PRR16: variants seen among roughly 807,000 people sequenced by gnomAD.
The protein encoded by PRR16 is protein Largen.
A neutral mutation model predicts 18.2 loss-of-function variants in PRR16; 6 were observed. The observed-to-expected ratio is 0.33, with a 90% CI of 0.18 to 0.65. The LOEUF (loss-of-function observed/expected upper bound fraction) is 0.65, where lower values mean the gene tolerates loss of function less well. Among genes scored for constraint, PRR16 ranks in the 30% least tolerant of loss-of-function variants. The probability of loss-of-function intolerance (pLI) is 0.74; values close to 1 mark genes in which losing one functional copy is unlikely to be tolerated. For synonymous variants in PRR16, 151 were observed against 147.8 expected (o/e 1.02, Z -0.16); for missense variants, 412 against 376.6 (o/e 1.09, Z -0.78).
At chr5:120,652,400 G>A (rs1003606306) in intron 1 of PRR16, among the ~76,000 whole-genome samples, 1 of 152,048 alleles carries the variant, frequency 6.6e-6, no homozygotes, top group Non-Finnish European at 1.5e-5. Flanking sequence ...GTACAGTAGG[G>A]AAAGATAGAG....
intron 1 of PRR16, among the ~76,000 whole-genome samples, chr5:120,523,404 G>C (rs1751249881): frequency 2.0e-5 from 3 of 152,026 alleles, no homozygotes; most frequent in Admixed American, 2.0e-4. Context: ...TTACTAATGA[G>C]GCAAGTACTG....
chr5:120,688,875 G>A (rs114566460), downstream of PRR16, among the ~76,000 whole-genome samples: 1 of 152,144 alleles, frequency 6.6e-6, no homozygotes, highest in African/African-American at 2.4e-5. Flanking sequence ...AGGATATTGA[G>A]CCAGACACCT....
At chr5:120,500,165 A>G (rs905323285) in intron 1 of PRR16, among the ~76,000 whole-genome samples, 1 of 152,120 alleles carries the variant, frequency 6.6e-6, no homozygotes, top group African/African-American at 2.4e-5. Context: ...GTTTGCTGGG[A>G]TTAGAACAAC....
At chr5:120,777,275 T>C in the PRR16 span, among the ~76,000 whole-genome samples, 1 of 152,166 alleles carries the variant, frequency 6.6e-6, no homozygotes, top group African/African-American at 2.4e-5. Flanking sequence ...CAGCCATATG[T>C]CGGACACTGT....
At chr5:120,622,234 A>G (rs1754714242) in intron 1 of PRR16, among the ~76,000 whole-genome samples, 1 of 152,118 alleles carries the variant, frequency 6.6e-6, no homozygotes, top group Non-Finnish European at 1.5e-5. Flanking sequence ...CTGAGACCTC[A>G]ATATCTAGAA....
At chr5:120,519,868 T>G (rs1205773871) in intron 1 of PRR16, among the ~76,000 whole-genome samples, 1 of 152,018 alleles carries the variant, frequency 6.6e-6, no homozygotes, top group African/African-American at 2.4e-5. Flanking sequence ...TTTTTATGGG[T>G]TTTTTTCTCA....
At chr5:120,732,031 C>T in the PRR16 span, among the ~76,000 whole-genome samples, 6 of 152,062 alleles carry the variant, frequency 3.9e-5, no homozygotes, top group Non-Finnish European at 7.4e-5. Flanking sequence ...CTTTGCTTTC[C>T]TAGTAGGAGA....
intron 1 of PRR16, among the ~76,000 whole-genome samples, chr5:120,465,391 A>C (rs987879570): frequency 6.6e-6 from 1 of 152,142 alleles, no homozygotes; most frequent in Non-Finnish European, 1.5e-5. Context: ...AGGAGAGTGT[A>C]TGTGTGGCCG....
intron 1 of PRR16, among the ~76,000 whole-genome samples, chr5:120,670,782 CA>C (rs1167778820): frequency 1.3e-5 from 2 of 152,076 alleles, no homozygotes; most frequent in Non-Finnish European, 2.9e-5. Flanking sequence ...GAGGATATTC[CA>C]AAGATGGGCT....
At chr5:120,775,729 C>T in the PRR16 span, among the ~76,000 whole-genome samples, 1 of 149,860 alleles carries the variant, frequency 6.7e-6, no homozygotes, top group South Asian at 2.1e-4. Context: ...CTCTCAGGCT[C>T]AAGCGATTCT....
the PRR16 span, among the ~76,000 whole-genome samples, chr5:120,700,462 G>A: frequency 2.0e-4 from 30 of 152,120 alleles, no homozygotes; most frequent in South Asian, 2.1e-4. Context: ...AGAGGAGGAT[G>A]CAAAGGAGGC....
At position 120,686,630 on chromosome 5, in the gene PRR16, G is replaced by T; in HGVS notation, c.836G>T (p.Arg279Ile). 6.2e-7 allele frequency: 1 copy of T among 1,606,920 alleles called. No individual in the cohort carries two copies. Among genetic ancestry groups the T allele is most frequent in the South Asian group, 1.1e-5 (1 of 90,032 alleles). The part of the protein sequence containing the change: ...ISHSNSFPPI[R>I]PATVPPPTAP... The stretch of plus-strand genomic sequence containing the variant: ...CACAGTAACAGCTTCCCCCCTATCA[G>T]ACCTGCAACTGTGCCTCCTCCCACT... The change falls in exon 2 of 2, where the codon AGA becomes ATA. Residue 279 changes from arginine (R) to isoleucine (I), a missense_variant. Arg to Ile is a moderately conservative substitution (Grantham distance 97). Coordinates refer to ENST00000407149, the MANE Select transcript of PRR16 (RefSeq NM_001300783.2).
At chr5:120,662,317 A>G (rs1475405402) in intron 1 of PRR16, among the ~76,000 whole-genome samples, 3 of 151,998 alleles carry the variant, frequency 2.0e-5, no homozygotes, top group Non-Finnish European at 4.4e-5. Context: ...GAAATATCTG[A>G]TTTTTTCCCT....
At chr5:120,568,689 T>A (rs1336034987) in intron 1 of PRR16, among the ~76,000 whole-genome samples, 1 of 152,162 alleles carries the variant, frequency 6.6e-6, no homozygotes, top group Non-Finnish European at 1.5e-5. Context: ...AATACAAATG[T>A]GAGAATTACA....
chr5:120,699,915 C>T, the PRR16 span, among the ~76,000 whole-genome samples: 2 of 152,088 alleles, frequency 1.3e-5, no homozygotes, highest in East Asian at 1.9e-4. Flanking sequence ...GAGGAAGAAA[C>T]TTGGGCTTGA....
intron 1 of PRR16, among the ~76,000 whole-genome samples, chr5:120,645,637 A>T (rs960730066): frequency 1.4e-4 from 22 of 152,036 alleles, no homozygotes; most frequent in African/African-American, 4.8e-4. Context: ...AAAATGTTTG[A>T]AGTTGCTCAA....
At chr5:120,777,328 C>T in the PRR16 span, among the ~76,000 whole-genome samples, 72,685 of 151,842 alleles carry the variant, frequency 0.48, 17,982 homozygotes, top group African/African-American at 0.6. Flanking sequence ...ACGCTTATTA[C>T]TTAACTTTTT....
At chr5:120,754,383 T>G in the PRR16 span, among the ~76,000 whole-genome samples, 2 of 53,362 alleles carry the variant, frequency 3.7e-5, no homozygotes, top group African/African-American at 9.5e-5. Flanking sequence ...ATATAACATA[T>G]ATATTATATG....
the PRR16 span, among the ~76,000 whole-genome samples, chr5:120,738,439 ATTAT>A: frequency 1.3e-4 from 20 of 152,174 alleles, no homozygotes; most frequent in East Asian, 3.9e-4. Context: ...TTTTTTCTTA[ATTAT>A]TAGAAACTTG....
Sources: gnomAD v4.1 joint callset for allele counts (sites outside exome capture counted in the v4.1 genomes callset) on GRCh38, gnomAD v4.1.1 for gene constraint, MANE v1.5 for transcripts, NCBI Gene and HGNC (gene_info 2026-07-23, HGNC 2026-07-21) for gene names.